Variants in POLE2 observed in about 807,000 individuals in gnomAD.
The protein encoded by POLE2 is DNA polymerase epsilon subunit 2.
Under a neutral mutation model 79.4 loss-of-function variants are expected in POLE2, and 56 were observed. The ratio of observed to expected loss-of-function variants is 0.71; its 90% CI spans 0.57 to 0.88. The LOEUF is 0.88. POLE2 is among the 40% of genes least tolerant of loss of function. The pLI is 0.00. For synonymous variants in POLE2, 212 were observed against 214.0 expected (o/e 0.99, Z 0.08); for missense variants, 598 against 638.9 (o/e 0.94, Z 0.69).
intron 3 of POLE2, among the ~76,000 whole-genome samples, chr14:49,675,433 A>AT (rs1205241471): frequency 3.3e-5 from 5 of 150,686 alleles, no homozygotes; most frequent in Admixed American, 6.6e-5. Context: ...ACAATTTTTT[A>AT]TTTTTTTTGT....
chr14:49,677,505 C>T, intron 3 of POLE2: 1 of 491,934 alleles, frequency 2.0e-6, no homozygotes, highest in South Asian at 2.6e-5. Flanking sequence ...GCATGCCTCA[C>T]ATGAAGGGCT....
chr14:49,677,160 G>A (rs1283748500), intron 3 of POLE2, among the ~76,000 whole-genome samples: 1 of 152,202 alleles, frequency 6.6e-6, no homozygotes, highest in Non-Finnish European at 1.5e-5. Context: ...GGACTGGGAG[G>A]AGGCCCAGCC....
intron 5 of POLE2, among the ~76,000 whole-genome samples, chr14:49,672,053 G>A (rs898284529): frequency 4.6e-5 from 7 of 152,148 alleles, no homozygotes; most frequent in African/African-American, 7.2e-5. Context: ...AAAATAGGAC[G>A]GTTTCAACAG....
chr14:49,645,001 C>T (rs540935731), intron 18 of POLE2, among the ~76,000 whole-genome samples: 2 of 145,792 alleles, frequency 1.4e-5, no homozygotes, highest in Non-Finnish European at 3.0e-5. Context: ...GAGACTGTGC[C>T]GCTGCACTCT....
At chr14:49,678,051 G>C (rs1246482755) in intron 3 of POLE2, among the ~76,000 whole-genome samples, 4 of 151,236 alleles carry the variant, frequency 2.6e-5, no homozygotes. Flanking sequence ...CCAGGCTGGA[G>C]CAGAGTGGCA....
At chr14:49,667,184 C>CA (rs1446520552) in intron 6 of POLE2, among the ~76,000 whole-genome samples, 62 of 130,516 alleles carry the variant, frequency 4.8e-4, no homozygotes, top group Middle Eastern at 8.2e-3. Flanking sequence ...GACTCTGTCT[C>CA]AAAAAAAAAA....
intron 7 of POLE2, among the ~76,000 whole-genome samples, chr14:49,665,856 C>T (rs761552814): frequency 4.6e-5 from 7 of 151,984 alleles, no homozygotes; most frequent in East Asian, 1.9e-4. Flanking sequence ...GACAAAGTTT[C>T]GCTCTTGTTG....
At chr14:49,661,920 A>G (rs1189282612) in intron 10 of POLE2, among the ~76,000 whole-genome samples, 2 of 152,228 alleles carry the variant, frequency 1.3e-5, no homozygotes, top group African/African-American at 4.8e-5. Flanking sequence ...TTGAAACATT[A>G]TAATAATGAT....
chr14:49,674,421 G>T lies in POLE2; in HGVS notation c.252C>A (p.His84Gln), dbSNP rs757794783. 1.9e-5 allele frequency: 31 copies of T among 1,603,536 alleles called. No individual in the cohort carries two copies. In the East Asian group the frequency reaches 6.0e-4, roughly 31 times the overall value. Residue 84 changes from histidine to glutamine, a missense_variant, in exon 4 of 19, where the codon CAC (histidine) becomes CAA (glutamine). Coordinates refer to ENST00000216367, the MANE Select transcript of POLE2 (RefSeq NM_002692.4). ...CAAATGCTCCTATGATATTGAAAACGTGCTCTCTGAAAAACATCCCACAAA... is the reference window on the plus strand; with the variant it reads ...CAAATGCTCCTATGATATTGAAAACTTGCTCTCTGAAAAACATCCCACAAA... ...CSQSVDETIE[H>Q]VFNIIGAFDI...
chr14:49,668,300 G>T (rs1885633909), intron 6 of POLE2, among the ~76,000 whole-genome samples: 1 of 151,558 alleles, frequency 6.6e-6, no homozygotes, highest in Admixed American at 6.6e-5. Flanking sequence ...AAGGAGGAAG[G>T]GGGAAGGGGG....
chr14:49,651,895 C>T (rs1158579929), intron 15 of POLE2, among the ~76,000 whole-genome samples: 1 of 151,964 alleles, frequency 6.6e-6, no homozygotes, highest in African/African-American at 2.4e-5. Flanking sequence ...ACAGATGGAG[C>T]CCAGGCCCTC....
At chr14:49,666,542 T>C in intron 6 of POLE2, 129 bp from the exon 7 acceptor site, 1 of 440,272 alleles carries the variant, frequency 2.3e-6, no homozygotes, top group South Asian at 4.9e-5. Context: ...GAAAATCAAA[T>C]AAAATGGAAA....
chr14:49,654,490 T>G (rs1884505692), intron 13 of POLE2: 2 of 455,054 alleles, frequency 4.4e-6, no homozygotes, highest in South Asian at 7.6e-5. Context: ...AAACTTAGAT[T>G]TAAAGAGACA....
In POLE2 at chr14:49,649,177, C is replaced by T. The variant is rs574277277; in HGVS notation, c.1497+1088G>A. ...TTTTTTTTTTTTTGAGACGCAGTCT[C>T]GCTCAGCTGCCCAGGCTGGAGTGCA... On this transcript the variant is annotated intron_variant, in intron 17 of 18. Coordinates refer to ENST00000216367, the MANE Select transcript of POLE2 (RefSeq NM_002692.4). Among the ~76,000 whole-genome samples, 8 of 125,946 alleles carry T rather than the reference C, an allele frequency of 6.4e-5. No homozygotes were observed. In the East Asian group the frequency reaches 7.6e-4, roughly 12 times the overall value. 82.6% of individuals were successfully genotyped at this position (125,946 alleles called of 152,430 possible).
At chr14:49,684,372 G>A (rs1594624342) in intron 1 of POLE2, among the ~76,000 whole-genome samples, 1 of 151,992 alleles carries the variant, frequency 6.6e-6, no homozygotes, top group East Asian at 1.9e-4. Context: ...GACTGAGGCA[G>A]GAGAATGGCG....
intron 16 of POLE2, among the ~76,000 whole-genome samples, chr14:49,651,015 CA>C (rs1193901076): frequency 6.6e-6 from 1 of 152,066 alleles, no homozygotes; most frequent in Non-Finnish European, 1.5e-5. Flanking sequence ...GTTTAAAAGG[CA>C]AAACACGAAG....
rs773121801 is a variant in POLE2 at position 49,666,308 on chromosome 14, AG to A, written c.576+21del. 2.4e-6 allele frequency: 3 copies of A among 1,268,920 alleles called. No individual in the cohort carries two copies. The South Asian group carries it at 4.0e-5, about 17-fold the overall frequency. 78.6% of individuals were successfully genotyped at this position (1,268,920 alleles called of 1,614,324 possible). On this transcript the variant is annotated intron_variant, in intron 7 of 18. Coordinates refer to ENST00000216367, the MANE Select transcript of POLE2 (RefSeq NM_002692.4). ...TCATCAATCCAAGGCCAAAAATAAA[AG>A]TTTGATGCTTATTAAGTTACCTCTT...
chr14:49,688,182 T>TCCGCAGCCGCTCCGGCG lies in POLE2; in HGVS notation c.5_21dup (p.Ser8ArgfsTer38). 2.6e-6 allele frequency: 4 copies of TCCGCAGCCGCTCCGGCG among 1,540,804 alleles called. No individual in the cohort carries two copies. The highest frequency in any genetic ancestry group is 3.5e-6 in the Non-Finnish European group (4 of 1,145,462). ...AACTTGAAGGCGGAGAGCGCCCGGC[T>TCCGCAGCCGCTCCGGCG]CCGCAGCCGCTCCGGCGCCATATTT... On this transcript the variant is annotated frameshift_variant, in exon 1 of 19. Transcript: ENST00000216367. LOFTEE classifies it high-confidence loss of function.
intron 15 of POLE2, 89 bp downstream of exon 15, chr14:49,653,901 A>T (rs1173739178): frequency 4.1e-6 from 3 of 737,372 alleles, no homozygotes. Flanking sequence ...TCGGCCTCCC[A>T]AAGTGCTGAG....
Sources: allele counts gnomAD v4.1 joint callset (sites outside exome capture counted in the v4.1 genomes callset), GRCh38; gene constraint gnomAD v4.1.1; transcripts MANE v1.5; gene names NCBI Gene and HGNC (gene_info 2026-07-23, HGNC 2026-07-21).